The following XPO5 variants were observed in gnomAD, a reference collection of about 807,000 sequenced individuals.
XPO5 encodes exportin-5.
In XPO5, 46 loss-of-function variants were observed where a neutral mutation model predicts 160.6. That is an observed-to-expected ratio of 0.29 (90% confidence interval 0.23 to 0.37). XPO5 has a LOEUF of 0.37. Among genes scored for constraint, XPO5 ranks in the 10% least tolerant of loss-of-function variants. XPO5 has a pLI of 1.00. For synonymous variants in XPO5, 537 were observed against 519.3 expected (o/e 1.03, Z -0.46); for missense variants, 1,090 against 1,463.9 (o/e 0.74, Z 4.17).
At chr6:43,536,787 A>AAAAG (rs1561869431) in intron 20 of XPO5, among the ~76,000 whole-genome samples, 26 of 148,544 alleles carry the variant, frequency 1.8e-4, no homozygotes, top group African/African-American at 6.1e-4. Flanking sequence ...AAAAAAAAAA[A>AAAAG]AAAGCAGCTT....
intron 13 of XPO5, chr6:43,555,311 CAG>C (rs140195439): frequency 0.032 from 4,965 of 153,184 alleles, 258 homozygotes; most frequent in African/African-American, 0.11. Flanking sequence ...ATTTGGAGTA[CAG>C]AGAAGTTAAC....
In XPO5 at chr6:43,548,498, G is replaced by A. The variant is rs542783156; in HGVS notation, c.1861-38C>T. 3.4e-6 allele frequency: 5 copies of A among 1,460,762 alleles called. No homozygotes were observed. In the South Asian group the frequency reaches 5.9e-5, roughly 17 times the overall value. 90.5% of individuals were successfully genotyped at this position (1,460,762 alleles called of 1,614,324 possible). A position where few individuals can be genotyped will look rare whatever the true frequency, so the allele number is the denominator to read the frequency against. On this transcript the variant is annotated intron_variant, in intron 17 of 31. Coordinates refer to ENST00000265351, the MANE Select transcript of XPO5 (RefSeq NM_020750.3). ...AAGAAAAAAAGCCAGAGGTGGTAAA[G>A]GTCTGATTTTCAAGGAGAGGTGGCT...
At position 43,523,859 on chromosome 6, in the gene XPO5, A is replaced by C; in HGVS notation, c.*9T>G. 2 of 1,613,952 alleles carry C rather than the reference A, an allele frequency of 1.2e-6. No homozygotes were observed. Among genetic ancestry groups the C allele is most frequent in the Non-Finnish European group, 1.7e-6 (2 of 1,179,872 alleles). On this transcript the variant is annotated 3_prime_UTR_variant, in exon 32 of 32. Transcript: ENST00000265351. ...AGAAAGGCCGAGGAAGGATGCCCAA[A>C]AGCTTGATTCAGGGTTCAAAGATGG...
intron 23 of XPO5, 61 bp downstream of exon 23, chr6:43,530,627 T>A (rs770955228): frequency 1.4e-6 from 2 of 1,422,218 alleles, no homozygotes; most frequent in Non-Finnish European, 1.8e-6. Context: ...CTGTGACCTG[T>A]TTTGTTTCTC....
At chr6:43,532,718 TG>T (rs1306075260) in intron 21 of XPO5, among the ~76,000 whole-genome samples, 2 of 152,236 alleles carry the variant, frequency 1.3e-5, no homozygotes, top group Non-Finnish European at 2.9e-5. Flanking sequence ...CCTCTGAGAC[TG>T]GGTTAGGTCT....
intron 25 of XPO5, among the ~76,000 whole-genome samples, 183 bp downstream of exon 25, chr6:43,527,976 G>A (rs1793706787): frequency 2.0e-5 from 3 of 152,162 alleles, no homozygotes; most frequent in African/African-American, 7.2e-5. Flanking sequence ...ATGAAGGCTG[G>A]ATCTCAGAGT....
At chr6:43,553,577 A>G in intron 13 of XPO5, 74 bp from the exon 14 acceptor site, 1 of 1,501,942 alleles carries the variant, frequency 6.7e-7, no homozygotes, top group Non-Finnish European at 8.9e-7. Flanking sequence ...ATCGCAGAAG[A>G]CACAGAGAGA....
At chr6:43,565,299 G>T (rs1762641438) in intron 8 of XPO5, among the ~76,000 whole-genome samples, 1 of 152,076 alleles carries the variant, frequency 6.6e-6, no homozygotes, top group African/African-American at 2.4e-5. Flanking sequence ...GGGCACAGGG[G>T]CTCACTCCTG....
At chr6:43,539,587 G>A in intron 20 of XPO5, 1 of 1,369,658 alleles carries the variant, frequency 7.3e-7, no homozygotes, top group Non-Finnish European at 1.0e-6. Context: ...CCGGTCCACG[G>A]CTGCGACCCC....
At chr6:43,559,827 T>TC (rs1762311620) in intron 11 of XPO5, among the ~76,000 whole-genome samples, 1 of 152,112 alleles carries the variant, frequency 6.6e-6, no homozygotes, top group South Asian at 2.1e-4. Flanking sequence ...TTTTTATGTT[T>TC]CCCCCGAGAC....
chr6:43,569,461 C>T (rs1027181991), intron 5 of XPO5, among the ~76,000 whole-genome samples: 8 of 150,576 alleles, frequency 5.3e-5, no homozygotes, highest in East Asian at 2.0e-4. Flanking sequence ...AGGCCAGGCG[C>T]GGTGGCTCAC....
chr6:43,539,692 G>A (rs1428887285), intron 20 of XPO5: 15 of 779,012 alleles, frequency 1.9e-5, no homozygotes, highest in South Asian at 1.9e-4. Context: ...CTGCACCGGC[G>A]TCATCCGCCA....
intron 20 of XPO5, chr6:43,538,769 TTC>T (rs1794506969): frequency 3.0e-6 from 2 of 657,128 alleles, no homozygotes; most frequent in Non-Finnish European, 4.9e-6. Context: ...CACTACATTT[TTC>T]TTTTTTTTTT....
At chr6:43,565,849 G>A in intron 7 of XPO5, 113 bp from the exon 8 acceptor site, 1 of 770,144 alleles carries the variant, frequency 1.3e-6, no homozygotes, top group Non-Finnish European at 2.0e-6. Context: ...TATACCCCAG[G>A]GTTTAGTGAA....
chr6:43,558,095 C>CAA (rs112872524), intron 12 of XPO5, among the ~76,000 whole-genome samples: 17 of 134,052 alleles, frequency 1.3e-4, no homozygotes, highest in African/African-American at 4.3e-4. Context: ...AACTCCATCT[C>CAA]AAAAAAAAAA....
intron 12 of XPO5, among the ~76,000 whole-genome samples, chr6:43,556,309 T>C (rs144682822): frequency 6.4e-4 from 97 of 152,168 alleles, no homozygotes; most frequent in Non-Finnish European, 1.0e-3. Flanking sequence ...AGACTGCTTG[T>C]GCCCAAGAGT....
chr6:43,533,899 T>C lies in XPO5; in HGVS notation c.2443+8A>G. ...AAACCTTAGGAGAAAAAAGGTTACA[T>C]TTCTTACCTAATATAGCAGATTTTT... On this transcript the variant is annotated splice_region_variant and intron_variant, in intron 21 of 31. Coordinates refer to ENST00000265351, the MANE Select transcript of XPO5 (RefSeq NM_020750.3). The C allele has an allele frequency of 1.9e-6, 3 of 1,589,124 alleles. No homozygotes were observed. Among genetic ancestry groups the C allele is most frequent in the Admixed American group, 1.7e-5 (1 of 59,146 alleles).
At chr6:43,572,092 T>C (rs1763038275) in intron 3 of XPO5, among the ~76,000 whole-genome samples, 1 of 152,204 alleles carries the variant, frequency 6.6e-6, no homozygotes, top group African/African-American at 2.4e-5. Flanking sequence ...TTTGTTTTGT[T>C]TTTGAGATAG....
chr6:43,573,516 C>A lies in XPO5; in HGVS notation c.191G>T (p.Arg64Ile). Residue 64 changes from arginine to isoleucine, a missense_variant, in exon 2 of 32, where the codon AGA becomes ATA. Arg to Ile is a moderately conservative substitution (Grantham distance 97). Transcript: ENST00000265351. ...LAEKTQVAIVRHFGLQILEHV... is the reference protein window; with the variant it reads ...LAEKTQVAIVIHFGLQILEHV... ...TTCCAGGATCTGAAGGCCAAAATGT[C>A]TGACGATGGCAACTTGTGTTTTCTC... 6.2e-7 allele frequency: 1 copy of A among 1,613,782 alleles called. No individual in the cohort carries two copies. Among genetic ancestry groups the A allele is most frequent in the Non-Finnish European group, 8.5e-7 (1 of 1,179,742 alleles).
Sources: gnomAD v4.1 joint callset for allele counts (sites outside exome capture counted in the v4.1 genomes callset) on GRCh38, gnomAD v4.1.1 for gene constraint, MANE v1.5 for transcripts, NCBI Gene and HGNC (gene_info 2026-07-23, HGNC 2026-07-21) for gene names.